Variants in GRM3 observed in about 807,000 individuals in gnomAD.
GRM3 encodes metabotropic glutamate receptor 3.
GRM3 carries 26 observed loss-of-function variants against 70.5 expected under a neutral mutation model. The ratio of observed to expected loss-of-function variants is 0.37; its 90% CI spans 0.27 to 0.51. The LOEUF is 0.51. Among genes scored for constraint, GRM3 ranks in the 20% least tolerant of loss-of-function variants. The pLI is 0.93. For missense variants in GRM3, 859 were observed against 1,123.8 expected (o/e 0.76, Z 3.37); for synonymous variants, 443 against 434.9 (o/e 1.02, Z -0.23).
chr7:86,824,287 G>T (rs1014263784), intron 3 of GRM3, among the ~76,000 whole-genome samples: 1 of 152,160 alleles, frequency 6.6e-6, no homozygotes, highest in African/African-American at 2.4e-5. Context: ...TGGGACTGAG[G>T]CTAAAACTTG....
At chr7:86,688,963 C>A (rs1255649382) in intron 1 of GRM3, among the ~76,000 whole-genome samples, 1 of 147,900 alleles carries the variant, frequency 6.8e-6, no homozygotes, top group African/African-American at 2.5e-5. Flanking sequence ...TAGTCTTGGT[C>A]AATTAATTTA....
At chr7:86,810,521 A>G (rs1385343876) in intron 3 of GRM3, among the ~76,000 whole-genome samples, 1 of 152,020 alleles carries the variant, frequency 6.6e-6, no homozygotes, top group African/African-American at 2.4e-5. Flanking sequence ...ATTGGAAACC[A>G]CTTCACATAA....
intron 1 of GRM3, among the ~76,000 whole-genome samples, chr7:86,747,725 C>T (rs1317709295): frequency 6.6e-6 from 1 of 152,052 alleles, no homozygotes; most frequent in Non-Finnish European, 1.5e-5. Context: ...TCTAAAATAC[C>T]AACAGAGTAA....
At chr7:86,812,483 C>CA (rs1797931934) in intron 3 of GRM3, among the ~76,000 whole-genome samples, 2 of 151,298 alleles carry the variant, frequency 1.3e-5, no homozygotes, top group Admixed American at 6.6e-5. Context: ...GTGTTAATTC[C>CA]AAAAAAAGGT....
rs758204448 is a variant in GRM3 at position 86,765,572 on chromosome 7, G to T, written c.427G>T (p.Ala143Ser). The change falls in exon 2 of 6, where the codon GCA becomes TCA. Residue 143 changes from alanine (A) to serine (S), a missense_variant. Coordinates refer to ENST00000361669, the MANE Select transcript of GRM3 (RefSeq NM_000840.3). ...TCAAGAAAACATCCCACTTCTCATT[G>T]CAGGGGTCATTGGTGGCTCTTATAG... is the stretch of plus-strand genomic sequence containing the variant. Reference protein sequence around the residue: ...AIQENIPLLIAGVIGGSYSSV... With the variant: ...AIQENIPLLISGVIGGSYSSV... 2 of 1,613,458 alleles carry T rather than the reference G, an allele frequency of 1.2e-6. No homozygotes were observed. The highest frequency in any genetic ancestry group is 8.5e-7 in the Non-Finnish European group (1 of 1,179,590).
At chr7:86,743,595 G>T (rs573897203) in intron 1 of GRM3, among the ~76,000 whole-genome samples, 2 of 152,108 alleles carry the variant, frequency 1.3e-5, no homozygotes, top group Non-Finnish European at 2.9e-5. Flanking sequence ...GGGGAAAATT[G>T]TGAGATTGAC....
At position 86,765,387 on chromosome 7, in the gene GRM3, A is replaced by G; in HGVS notation, c.242A>G (p.Lys81Arg). ...TTGTTTGCTATTGATGAAATCAACA[A>G]AGATGATTACTTGCTACCAGGAGTG... Reference protein sequence around the residue: ...AMLFAIDEINKDDYLLPGVKL... With the variant: ...AMLFAIDEINRDDYLLPGVKL... The change falls in exon 2 of 6, where the codon AAA (lysine) becomes AGA (arginine). Residue 81 changes from lysine to arginine, a missense_variant. Lys to Arg is a conservative substitution (Grantham distance 26, BLOSUM62 2). Coordinates refer to ENST00000361669, the MANE Select transcript of GRM3 (RefSeq NM_000840.3). 1 of 1,613,948 alleles carries G rather than the reference A, an allele frequency of 6.2e-7. No homozygotes were observed. Among genetic ancestry groups the G allele is most frequent in the Non-Finnish European group, 8.5e-7 (1 of 1,179,884 alleles).
intron 1 of GRM3, among the ~76,000 whole-genome samples, chr7:86,730,449 G>C (rs1795706484): frequency 6.6e-6 from 1 of 152,216 alleles, no homozygotes; most frequent in Non-Finnish European, 1.5e-5. Context: ...ATAACTCATA[G>C]CCATAGAGGA....
intron 3 of GRM3, among the ~76,000 whole-genome samples, chr7:86,811,594 C>G (rs1201780530): frequency 1.3e-5 from 2 of 151,866 alleles, no homozygotes; most frequent in Non-Finnish European, 2.9e-5. Flanking sequence ...TCACATCCAT[C>G]TGACCCCATA....
intron 1 of GRM3, among the ~76,000 whole-genome samples, chr7:86,713,288 A>G (rs1584187273): frequency 6.6e-6 from 1 of 152,018 alleles, no homozygotes; most frequent in African/African-American, 2.4e-5. Context: ...TTTGAGAAAT[A>G]TATATTCAGA....
intron 2 of GRM3, among the ~76,000 whole-genome samples, chr7:86,782,316 T>C (rs1325771069): frequency 7.5e-6 from 1 of 133,966 alleles, no homozygotes; most frequent in Non-Finnish European, 1.5e-5. Context: ...TCCATTCATC[T>C]GATTATGGGG....
intron 1 of GRM3, among the ~76,000 whole-genome samples, chr7:86,708,221 TC>T (rs781725509): frequency 1.3e-5 from 2 of 152,118 alleles, no homozygotes; most frequent in Non-Finnish European, 2.9e-5. Context: ...TAAGCCCCCT[TC>T]TTGACACTTG....
At chr7:86,706,294 C>T (rs1795055937) in intron 1 of GRM3, among the ~76,000 whole-genome samples, 1 of 151,926 alleles carries the variant, frequency 6.6e-6, no homozygotes, top group African/African-American at 2.4e-5. Context: ...TTTGTTATCT[C>T]CATAAACAAA....
chr7:86,784,897 A>G (rs1303573651), intron 2 of GRM3, among the ~76,000 whole-genome samples: 1 of 152,210 alleles, frequency 6.6e-6, no homozygotes, highest in Non-Finnish European at 1.5e-5. Flanking sequence ...TGTTGATTTT[A>G]ATAGCAGGCC....
intron 3 of GRM3, among the ~76,000 whole-genome samples, chr7:86,812,189 A>T (rs1336204228): frequency 3.3e-5 from 5 of 151,866 alleles, no homozygotes; most frequent in Admixed American, 3.3e-4. Flanking sequence ...TTAAAACTGC[A>T]AGTAGGAAAA....
intron 5 of GRM3, among the ~76,000 whole-genome samples, chr7:86,853,806 C>T (rs1296857480): frequency 1.3e-5 from 2 of 152,152 alleles, no homozygotes; most frequent in Non-Finnish European, 2.9e-5. Flanking sequence ...TTACAGTTTA[C>T]AAGTCAGGAA....
intron 3 of GRM3, among the ~76,000 whole-genome samples, chr7:86,792,852 C>G (rs887529789): frequency 6.6e-6 from 1 of 151,774 alleles, no homozygotes; most frequent in Admixed American, 6.6e-5. Flanking sequence ...GATCTAGGAT[C>G]CCTGAAGAAA....
At chr7:86,744,439 T>C (rs976494880) in intron 1 of GRM3, among the ~76,000 whole-genome samples, 1 of 151,626 alleles carries the variant, frequency 6.6e-6, no homozygotes, top group African/African-American at 2.4e-5. Context: ...TTCTACTCTA[T>C]AGTGGAGAGC....
At position 86,858,864 on chromosome 7, in the gene GRM3, G is replaced by T. The variant is rs145283030; in HGVS notation, c.2567-5418G>T. ...TGGATTTGCAGATTTTTATCCCACA[G>T]TATAATGAATATGATGATCTTAAAT... On this transcript the variant is annotated intron_variant, in intron 5 of 5. Transcript: ENST00000361669. Among the ~76,000 whole-genome samples the T allele has an allele frequency of 7.5e-3, 1,139 of 152,272 alleles. 15 individuals carry two copies. The highest frequency in any genetic ancestry group is 0.026 in the African/African-American group (1,092 of 41,546).
Sources: gnomAD v4.1 joint callset for allele counts (sites outside exome capture counted in the v4.1 genomes callset) on GRCh38, gnomAD v4.1.1 for gene constraint, MANE v1.5 for transcripts, NCBI Gene and HGNC (gene_info 2026-07-23, HGNC 2026-07-21) for gene names.